FHL3: variants seen among roughly 807,000 people sequenced by gnomAD.
FHL3 encodes the protein four and a half LIM domains 3, also known as four and a half LIM domains protein 3.
Under a neutral mutation model 34.3 loss-of-function variants are expected in FHL3, and 21 were observed. The ratio of observed to expected loss-of-function variants is 0.61; its 90% CI spans 0.43 to 0.88. FHL3 has a LOEUF of 0.88. Ranked by LOEUF, FHL3 falls within the 40% of genes least tolerant of loss-of-function variation. The probability of loss-of-function intolerance (pLI) is 0.00; values close to 1 mark genes in which losing one functional copy is unlikely to be tolerated. For synonymous variants in FHL3, 137 were observed against 144.6 expected (o/e 0.95, Z 0.38); for missense variants, 333 against 373.7 (o/e 0.89, Z 0.90).
chr1:37,999,128 G>C lies in FHL3; in HGVS notation c.177C>G (p.Arg59=). The C allele has an allele frequency of 6.2e-7, 1 of 1,614,196 alleles. No individual in the cohort carries two copies. The highest frequency in any genetic ancestry group is 1.3e-5 in the African/African-American group (1 of 75,062). ...HDSRELFYED[R]HFHEGCFRCC... is the part of the protein sequence containing the mutation. ...AGCGGAAGCAGCCCTCGTGGAAATG[G>C]CGGTCTTCATAGAACAGCTCCTGTG... The change falls in exon 3 of 6, where the codon CGC becomes CGG. Residue 59 remains arginine (R), a synonymous_variant. Coordinates refer to ENST00000373016, the MANE Select transcript of FHL3 (RefSeq NM_004468.5).
rs201132824 is a variant in FHL3 at position 37,997,973 on chromosome 1, C to T, written c.491G>A (p.Arg164His). 3.5e-5 allele frequency: 57 copies of T among 1,614,020 alleles called. No individual in the cohort carries two copies. The highest frequency in any genetic ancestry group is 1.6e-4 in the Middle Eastern group (1 of 6,082). Residue 164 changes from arginine (R) to histidine (H), a missense_variant, in exon 4 of 6, where the codon CGC becomes CAC. Physicochemically the swap from Arg to His is conservative, Grantham distance 29 (BLOSUM62 0). Transcript: ENST00000373016. The surrounding 1 kb of genome is among the most constrained non-coding windows in gnomAD (Gnocchi z 4.3). ...TGGCCCAGCCCCCACCTTGCTGCAG[C>T]GGGCGCAGCGAGGAGCAAACTTGTT... The part of the protein sequence containing the change: ...YENKFAPRCA[R>H]CSKTLTQGGV...
chr1:37,999,061 A>G lies in FHL3; in HGVS notation c.244T>C (p.Cys82Arg). The G allele has an allele frequency of 6.2e-7, 1 of 1,614,244 alleles. No homozygotes were observed. Among genetic ancestry groups the G allele is most frequent in the Non-Finnish European group, 8.5e-7 (1 of 1,180,050 alleles). The part of the protein sequence containing the change: ...QRSLADEPFT[C>R]QDSELLCNDC... ...TTGCAGAGCAGCTCACTGTCCTGGC[A>G]GGTGAAGGGTTCATCGGCTAGTGAG... Residue 82 changes from cysteine (C) to arginine (R), a missense_variant, in exon 3 of 6, where the codon TGC (cysteine) becomes CGC (arginine). Transcript: ENST00000373016.
At chr1:38,001,470 A>G (rs1216262239) in intron 1 of FHL3, among the ~76,000 whole-genome samples, 1 of 152,192 alleles carries the variant, frequency 6.6e-6, no homozygotes, top group African/African-American at 2.4e-5. Flanking sequence ...GGCAACCCAA[A>G]TAGGGTATGG....
chr1:38,002,422 T>G (rs139757626), intron 1 of FHL3, among the ~76,000 whole-genome samples: 1 of 150,748 alleles, frequency 6.6e-6, no homozygotes, highest in Non-Finnish European at 1.5e-5. Flanking sequence ...TAAATAGAGA[T>G]GGGGTCTCAA....
chr1:38,003,789 C>T (rs1412769033), intron 1 of FHL3, among the ~76,000 whole-genome samples: 2 of 152,290 alleles, frequency 1.3e-5, no homozygotes, highest in Admixed American at 6.5e-5. Flanking sequence ...AAAAATGCTG[C>T]CCTGGTGATG....
At chr1:38,004,507 GTC>G (rs141716788) in intron 1 of FHL3, among the ~76,000 whole-genome samples, 10,790 of 152,162 alleles carry the variant, frequency 0.071, 700 homozygotes, top group African/African-American at 0.17. Flanking sequence ...TCTGGTGTCT[GTC>G]TCTGCTTCAC....
intron 1 of FHL3, among the ~76,000 whole-genome samples, chr1:38,002,565 G>T: frequency 6.9e-6 from 1 of 144,724 alleles, no homozygotes; most frequent in African/African-American, 2.6e-5. Context: ...TTTGAGACAG[G>T]GTCTCACTCT....
At chr1:38,001,170 G>T (rs1167752123) in intron 1 of FHL3, among the ~76,000 whole-genome samples, 1 of 152,232 alleles carries the variant, frequency 6.6e-6, no homozygotes, top group Non-Finnish European at 1.5e-5. Context: ...AGGGGCCAGG[G>T]TCTTTAGAGC....
rs961715418 is a variant in FHL3 at position 38,005,479 on chromosome 1, G to T, written c.-143C>A. On this transcript the variant is annotated 5_prime_UTR_variant, in exon 1 of 6. Transcript: ENST00000373016. ...AGCGGGGGCCGAGCGAGCTGCCGGC[G>T]AGGCTGCCGACTGCAGACGGACCGT... 6.6e-6 allele frequency: 1 copy of T among 150,428 alleles called. No individual in the cohort carries two copies. The highest frequency in any genetic ancestry group is 2.4e-5 in the African/African-American group (1 of 41,358). 9.3% of individuals were successfully genotyped at this position (150,428 alleles called of 1,614,324 possible).
chr1:37,997,351 G>C lies in FHL3; in HGVS notation c.*54C>G. 6.4e-7 allele frequency: 1 copy of C among 1,554,520 alleles called. No homozygotes were observed. The highest frequency in any genetic ancestry group is 1.4e-5 in the African/African-American group (1 of 72,394). ...GAGTCCCAGAGGTGGTTTAGAAAAG[G>C]AGCCACAGTCCTGGGCCCGTGGTAT... On this transcript the variant is annotated 3_prime_UTR_variant, in exon 6 of 6. Coordinates refer to ENST00000373016, the MANE Select transcript of FHL3 (RefSeq NM_004468.5). The surrounding 1 kb of genome is among the most constrained non-coding windows in gnomAD (Gnocchi z 4.3).
intron 1 of FHL3, among the ~76,000 whole-genome samples, chr1:38,002,402 C>T (rs1332914344): frequency 6.6e-6 from 1 of 151,156 alleles, no homozygotes; most frequent in African/African-American, 2.4e-5. Context: ...CCTGCCTGGA[C>T]TAGAATTTTT....
At chr1:38,004,994 G>C (rs921583065) in intron 1 of FHL3, among the ~76,000 whole-genome samples, 1 of 152,102 alleles carries the variant, frequency 6.6e-6, no homozygotes, top group Non-Finnish European at 1.5e-5. Context: ...CCTGTGCCTC[G>C]AGTCCCTGCC....
At chr1:37,998,881 T>C in intron 3 of FHL3, 93 bp downstream of exon 3, 1 of 1,366,880 alleles carries the variant, frequency 7.3e-7, no homozygotes, top group Non-Finnish European at 1.0e-6. Context: ...TGCAGGTCTT[T>C]ACACAGACCA....
intron 2 of FHL3, 49 bp from the exon 3 acceptor site, chr1:37,999,197 T>G: frequency 6.2e-7 from 1 of 1,613,818 alleles, no homozygotes; most frequent in Non-Finnish European, 8.5e-7. Flanking sequence ...CATGGACCCA[T>G]CCTTTGCCCC....
chr1:38,004,747 TC>T (rs781482598), intron 1 of FHL3, among the ~76,000 whole-genome samples: 11 of 152,158 alleles, frequency 7.2e-5, no homozygotes, highest in Non-Finnish European at 1.2e-4. Context: ...CTGTCTCTAG[TC>T]TCTGAGCGTC....
In FHL3 at chr1:37,998,955, T is replaced by C. The variant is rs749389832; in HGVS notation, c.331+19A>G. 6.2e-7 allele frequency: 1 copy of C among 1,609,386 alleles called. No individual in the cohort carries two copies. Among genetic ancestry groups the C allele is most frequent in the Non-Finnish European group, 8.5e-7 (1 of 1,176,020 alleles). On this transcript the variant is annotated intron_variant, in intron 3 of 5. Transcript: ENST00000373016. ...CGCAGATGCCAGTTCTCACACAAGA[T>C]GAGCCCCTGAACACATACCAGGCAT...
intron 1 of FHL3, among the ~76,000 whole-genome samples, chr1:38,003,171 A>C (rs1428652400): frequency 6.6e-6 from 1 of 151,982 alleles, no homozygotes; most frequent in Non-Finnish European, 1.5e-5. Flanking sequence ...AACAAAACAA[A>C]ACAACAACAA....
In FHL3 at chr1:37,998,013, C is replaced by A; in HGVS notation, c.451G>T (p.Val151Leu). ...FVPDKGAHYCVPCYENKFAPR... is the reference protein window; with the variant it reads ...FVPDKGAHYCLPCYENKFAPR... ...GCAAACTTGTTCTCATAGCAGGGCA[C>A]GCAGTAGTGAGCACCCTTGTCGGGC... is the stretch of plus-strand genomic sequence containing the variant. Residue 151 changes from valine to leucine, a missense_variant, in exon 4 of 6, where the codon GTG (valine) becomes TTG (leucine). Val to Leu is a conservative substitution (Grantham distance 32). Transcript: ENST00000373016. 6.2e-7 allele frequency: 1 copy of A among 1,614,124 alleles called. No individual in the cohort carries two copies. Among genetic ancestry groups the A allele is most frequent in the Non-Finnish European group, 8.5e-7 (1 of 1,179,994 alleles).
At position 37,996,798 on chromosome 1, in the gene FHL3, G is replaced by C. The variant is rs976546670; in HGVS notation, c.*607C>G. On this transcript the variant is annotated 3_prime_UTR_variant, in exon 6 of 6. Transcript: ENST00000373016. The stretch of plus-strand genomic sequence containing the variant: ...CTCACACCGCTTTATTGCAGAATCT[G>C]GAAGGGGGATGAGCCAATCTCACCC... The C allele has an allele frequency of 3.3e-5, 5 of 153,752 alleles. No individual in the cohort carries two copies. Among genetic ancestry groups the C allele is most frequent in the African/African-American group, 1.2e-4 (5 of 41,154 alleles). 9.5% of individuals were successfully genotyped at this position (153,752 alleles called of 1,614,324 possible).
Sources: allele counts gnomAD v4.1 joint callset (sites outside exome capture counted in the v4.1 genomes callset), GRCh38; gene constraint gnomAD v4.1.1; non-coding constraint Gnocchi (gnomAD v3.1); transcripts MANE v1.5; gene names NCBI Gene and HGNC (gene_info 2026-07-23, HGNC 2026-07-21).